Variants in KIF1B observed in about 807,000 individuals in gnomAD.
KIF1B encodes the protein kinesin family member 1B, also known as kinesin-like protein KIF1B.
In KIF1B, 76 loss-of-function variants were observed where a neutral mutation model predicts 241.9. The ratio of observed to expected loss-of-function variants is 0.31; its 90% CI spans 0.26 to 0.38. The LOEUF is 0.38. Among genes scored for constraint, KIF1B ranks in the 10% least tolerant of loss-of-function variants. The pLI, the probability that KIF1B is intolerant of heterozygous loss-of-function variation, is 1.00. For missense variants in KIF1B, 1,622 were observed against 2,271.4 expected (o/e 0.71, Z 5.81); for synonymous variants, 750 against 796.7 (o/e 0.94, Z 0.99).
intron 1 of KIF1B, among the ~76,000 whole-genome samples, chr1:10,213,093 T>C (rs1490135718): frequency 6.6e-6 from 1 of 151,848 alleles, no homozygotes; most frequent in Non-Finnish European, 1.5e-5. Flanking sequence ...ATGAGAGAAA[T>C]ACAGAATGTC....
intron 4 of KIF1B, among the ~76,000 whole-genome samples, chr1:10,259,742 C>T (rs550681760): frequency 2.6e-5 from 4 of 151,878 alleles, no homozygotes; most frequent in South Asian, 4.2e-4. Flanking sequence ...TCAGGCAATC[C>T]GCCCACCTCC....
At position 10,368,552 on chromosome 1, in the gene KIF1B, CTG is replaced by C. The variant is rs764397992; in HGVS notation, c.4824+16_4824+17del. ...AGTGACTGTAAGGTGAGCACATTGACTGTAATTTTTAGCCAGTATGTTGATAA... is the reference window on the plus strand; with the variant it reads ...AGTGACTGTAAGGTGAGCACATTGACTAATTTTTAGCCAGTATGTTGATAA... On this transcript the variant is annotated intron_variant, in intron 44 of 48. Transcript: ENST00000676179. 47 of 1,608,612 alleles carry C rather than the reference CTG, an allele frequency of 2.9e-5. No individual in the cohort carries two copies. The highest frequency in any genetic ancestry group is 3.7e-5 in the Non-Finnish European group (44 of 1,175,080).
intron 38 of KIF1B, among the ~76,000 whole-genome samples, chr1:10,356,116 C>T (rs1315320922): frequency 6.6e-6 from 1 of 152,088 alleles, no homozygotes; most frequent in Non-Finnish European, 1.5e-5. Flanking sequence ...ACCTGTAATC[C>T]CAGCACTTTG....
rs113260285 is a variant in KIF1B, at chr1:10,227,034, T to C, written c.-79-5216T>C. 3.4e-3 allele frequency among the ~76,000 whole-genome samples: 136 copies of C among 39,618 alleles called. 1 individual carries two copies. The Middle Eastern group carries it at 0.037, about 11-fold the overall frequency. The allele number at this position is 39,618 out of a possible 152,430, so 26.0% of individuals were successfully genotyped here. A position where few individuals can be genotyped will look rare whatever the true frequency, so the allele number is the denominator to read the frequency against. The stretch of plus-strand genomic sequence containing the variant: ...GTTGATAAATAACGCAAGTCTCTCT[T>C]TTTTTTTTTTTTTTTTTTTTGAGAT... On this transcript the variant is annotated intron_variant, in intron 1 of 48. Coordinates refer to ENST00000676179, the MANE Select transcript of KIF1B (RefSeq NM_001365951.3).
intron 32 of KIF1B, 37 bp downstream of exon 32, chr1:10,339,896 T>C (rs1324500480): frequency 6.5e-7 from 1 of 1,550,320 alleles, no homozygotes; most frequent in Admixed American, 1.7e-5. Flanking sequence ...ACATATGTTT[T>C]TCTGGTACCT....
chr1:10,305,358 T>C, intron 22 of KIF1B: 1 of 1,051,094 alleles, frequency 9.5e-7, no homozygotes, highest in Non-Finnish European at 1.1e-6. Flanking sequence ...ATTGGCACTG[T>C]GTCTGGGATT....
At position 10,303,989 on chromosome 1, in the gene KIF1B, A is replaced by G. The variant is rs760273189; in HGVS notation, c.2115+6743A>G. On this transcript the variant is annotated intron_variant, in intron 22 of 48. Coordinates refer to ENST00000676179, the MANE Select transcript of KIF1B (RefSeq NM_001365951.3). The surrounding 1 kb of genome is among the most constrained non-coding windows in gnomAD (Gnocchi z 5.2). ...ATTCGGTTTAAGAACTTGCAACAGC[A>G]GGAGATAACAAAGCAGCTTCGTCGG... 6.2e-6 allele frequency: 10 copies of G among 1,612,256 alleles called. No homozygotes were observed. Among genetic ancestry groups the G allele is most frequent in the Non-Finnish European group, 7.6e-6 (9 of 1,179,000 alleles).
intron 40 of KIF1B, 34 bp from the exon 41 acceptor site, chr1:10,363,249 G>T (rs755095753): frequency 1.3e-6 from 2 of 1,550,858 alleles, no homozygotes; most frequent in African/African-American, 2.7e-5. Flanking sequence ...TGTGCTTTAA[G>T]AGATTAAACA....
At chr1:10,367,451 C>T (rs1638607348) in intron 43 of KIF1B, among the ~76,000 whole-genome samples, 1 of 151,732 alleles carries the variant, frequency 6.6e-6, no homozygotes, top group Non-Finnish European at 1.5e-5. Flanking sequence ...CGCCTGTAAT[C>T]CCAGCACTTT....
intron 31 of KIF1B, 44 bp from the exon 32 acceptor site, chr1:10,339,725 C>A: frequency 6.6e-7 from 1 of 1,517,090 alleles, no homozygotes; most frequent in South Asian, 1.1e-5. Flanking sequence ...CTGATAAAAC[C>A]GTTTAATGCA....
chr1:10,268,009 T>G, intron 6 of KIF1B, 143 bp from the exon 7 acceptor site: 1 of 709,958 alleles, frequency 1.4e-6, no homozygotes. Context: ...TGAGAGCAAT[T>G]GTGTAAGTGA....
intron 22 of KIF1B, chr1:10,307,721 A>G (rs1156956033): frequency 1.9e-6 from 2 of 1,028,616 alleles, no homozygotes; most frequent in East Asian, 1.2e-4. Context: ...AGCTATTATT[A>G]TAGCAAAGTG....
At chr1:10,249,818 A>G (rs1369582283) in intron 2 of KIF1B, among the ~76,000 whole-genome samples, 2 of 152,158 alleles carry the variant, frequency 1.3e-5, no homozygotes, top group Non-Finnish European at 2.9e-5. Context: ...TGGGAGGATC[A>G]CTTGAGCCCA....
At chr1:10,347,484 C>G (rs953077935) in intron 35 of KIF1B, among the ~76,000 whole-genome samples, 2 of 152,184 alleles carry the variant, frequency 1.3e-5, no homozygotes, top group African/African-American at 4.8e-5. Context: ...TATCTCCTGT[C>G]AATTGCCATT....
chr1:10,269,234 G>A (rs1433416101), intron 7 of KIF1B, among the ~76,000 whole-genome samples: 1 of 152,126 alleles, frequency 6.6e-6, no homozygotes, highest in African/African-American at 2.4e-5. Context: ...CTCCTGCTGG[G>A]CCGGGTATGG....
chr1:10,339,435 C>A (rs1233445453), intron 31 of KIF1B, among the ~76,000 whole-genome samples: 2 of 152,162 alleles, frequency 1.3e-5, no homozygotes, highest in African/African-American at 2.4e-5. Context: ...TTTGTCTGTA[C>A]AAAATGACAT....
In KIF1B at chr1:10,379,284, C is replaced by T. The variant is rs756359695; in HGVS notation, c.*2697C>T. ...GTTTGGAAAGTCTTTGCTTTGGAAGCGTCAGACATTAGAACAGGCCAAACT... is the reference window on the plus strand; with the variant it reads ...GTTTGGAAAGTCTTTGCTTTGGAAGTGTCAGACATTAGAACAGGCCAAACT... On this transcript the variant is annotated 3_prime_UTR_variant, in exon 49 of 49. Transcript: ENST00000676179. The T allele has an allele frequency of 4.3e-5, 10 of 230,852 alleles. No homozygotes were observed. The highest frequency in any genetic ancestry group is 1.8e-4 in the South Asian group (1 of 5,510). The allele number at this position is 230,852 out of a possible 1,614,324, so 14.3% of individuals were successfully genotyped here.
chr1:10,272,576 T>C (rs1419756340), intron 9 of KIF1B: 1 of 529,722 alleles, frequency 1.9e-6, no homozygotes, highest in African/African-American at 1.9e-5. Flanking sequence ...TTGAGCCTTA[T>C]TTTATGTTTC....
intron 1 of KIF1B, among the ~76,000 whole-genome samples, chr1:10,223,123 G>A (rs1439081101): frequency 2.7e-5 from 4 of 147,682 alleles, no homozygotes; most frequent in East Asian, 1.9e-4. Context: ...GTGGTGGCAC[G>A]CACCTGTAGT....
Sources: allele counts gnomAD v4.1 joint callset (sites outside exome capture counted in the v4.1 genomes callset), GRCh38; gene constraint gnomAD v4.1.1; non-coding constraint Gnocchi (gnomAD v3.1); transcripts MANE v1.5; gene names NCBI Gene and HGNC (gene_info 2026-07-23, HGNC 2026-07-21).